The following SLC46A3 variants were observed in gnomAD, a reference collection of about 807,000 sequenced individuals.
SLC46A3 encodes solute carrier family 46 member 3.
SLC46A3 carries 26 observed loss-of-function variants against 38.5 expected under a neutral mutation model. The observed-to-expected ratio is 0.68, with a 90% CI of 0.49 to 0.94. The LOEUF (loss-of-function observed/expected upper bound fraction) is 0.94, where lower values mean the gene tolerates loss of function less well. Ranked by LOEUF, SLC46A3 falls within the 40% of genes least tolerant of loss-of-function variation. The pLI, the probability that SLC46A3 is intolerant of heterozygous loss-of-function variation, is 0.00. For synonymous variants in SLC46A3, 185 were observed against 192.5 expected (o/e 0.96, Z 0.32); for missense variants, 510 against 544.3 (o/e 0.94, Z 0.63).
chr13:28,714,625 T>C (rs1885475837), intron 2 of SLC46A3, among the ~76,000 whole-genome samples: 1 of 152,242 alleles, frequency 6.6e-6, no homozygotes, highest in Non-Finnish European at 1.5e-5. Context: ...GGCGTACGCC[T>C]GTAGTCTCCG....
Position 28,712,826 on chromosome 13 carries a change from C to T in SLC46A3, c.914G>A (p.Ser305Asn). Residue 305 changes from serine (S) to asparagine (N), a missense_variant, in exon 3 of 6, where the codon AGT becomes AAT. Transcript: ENST00000266943. ...TAGGAAACTAGTCAAAAAAGAGGCA[C>T]TACCCAAAGCTGATCCATAACCTAT... is the stretch of plus-strand genomic sequence containing the variant. ...VFIGYGSALG[S>N]ASFLTSFLGI... The T allele has an allele frequency of 6.2e-7, 1 of 1,613,172 alleles. No individual in the cohort carries two copies. The highest frequency in any genetic ancestry group is 8.5e-7 in the Non-Finnish European group (1 of 1,179,812).
At chr13:28,706,802 C>T (rs1885184215) in intron 4 of SLC46A3, among the ~76,000 whole-genome samples, 1 of 152,138 alleles carries the variant, frequency 6.6e-6, no homozygotes, top group Non-Finnish European at 1.5e-5. Flanking sequence ...TGAAAAAATG[C>T]TCATCATCAC....
At chr13:28,701,815 A>G (rs758421302) in intron 5 of SLC46A3, among the ~76,000 whole-genome samples, 6 of 152,190 alleles carry the variant, frequency 3.9e-5, no homozygotes, top group Non-Finnish European at 7.4e-5. Flanking sequence ...CATCTGTCCC[A>G]TGGTTAACTC....
intron 4 of SLC46A3, 194 bp from the exon 5 acceptor site, chr13:28,704,293 G>A (rs1339303745): frequency 7.0e-6 from 4 of 572,510 alleles, no homozygotes; most frequent in Non-Finnish European, 1.2e-5. Context: ...AGGAAACTAA[G>A]GGAAAGGTTC....
intron 4 of SLC46A3, among the ~76,000 whole-genome samples, chr13:28,710,374 G>A (rs1885308396): frequency 6.6e-6 from 1 of 152,232 alleles, no homozygotes. Flanking sequence ...AGGTGGCTGA[G>A]GAAGAGGATC....
At chr13:28,714,752 TAAATA>T (rs1416507287) in intron 2 of SLC46A3, among the ~76,000 whole-genome samples, 1 of 152,004 alleles carries the variant, frequency 6.6e-6, no homozygotes, top group Non-Finnish European at 1.5e-5. Context: ...CCATCTCAAA[TAAATA>T]AAAATAAAAA....
At chr13:28,704,203 C>T (rs1157067377) in intron 4 of SLC46A3, 104 bp from the exon 5 acceptor site, 3 of 1,020,594 alleles carry the variant, frequency 2.9e-6, no homozygotes, top group Non-Finnish European at 4.3e-6. Context: ...AAACAGTAAA[C>T]ATGAGGGCAC....
chr13:28,710,800 T>C lies in SLC46A3; in HGVS notation c.1104A>G (p.Leu368=). 6.2e-7 allele frequency: 1 copy of C among 1,614,068 alleles called. No individual in the cohort carries two copies. The highest frequency in any genetic ancestry group is 1.7e-5 in the Admixed American group (1 of 60,014). The change falls in exon 4 of 6, where the codon CTA becomes CTG. Residue 368 remains leucine, a synonymous_variant. Coordinates refer to ENST00000266943, the MANE Select transcript of SLC46A3 (RefSeq NM_181785.4). ...GAACCACTTTTGACAACATGGACCG[T>C]AGAACAGAGAATGGCACAATAGTGA... is the stretch of plus-strand genomic sequence containing the variant. The part of the protein sequence containing the change: ...FLFTIVPFSV[L]RSMLSKVVRS...
rs141294918 is a variant in SLC46A3 at position 28,713,415 on chromosome 13, C to T, written c.325G>A (p.Val109Ile). The change falls in exon 3 of 6, where the codon GTT becomes ATT. Residue 109 changes from valine (V) to isoleucine (I), a missense_variant. Physicochemically the swap from Val to Ile is conservative, Grantham distance 29. Transcript: ENST00000266943. ...GRKFPMILSS[V>I]GALATSVWLC... is the part of the protein sequence containing the mutation. ...CAAACGCTGGTTGCAAGAGCACCAA[C>T]GGAAGACAAAATCATAGGGAATTTT... 57,765 of 1,613,930 alleles carry T rather than the reference C, an allele frequency of 0.036. 1,258 individuals are homozygous for T. Among genetic ancestry groups the T allele is most frequent in the Non-Finnish European group, 0.04 (47,267 of 1,179,986 alleles).
chr13:28,703,201 C>T (rs1204386049), intron 5 of SLC46A3, among the ~76,000 whole-genome samples: 2 of 152,114 alleles, frequency 1.3e-5, no homozygotes, highest in Non-Finnish European at 2.9e-5. Context: ...TAAACATTAA[C>T]GTTTAAACAA....
rs569642546 is a variant in SLC46A3, at chr13:28,710,626, T to C, written c.1144+134A>G. 1,367 of 736,114 alleles carry C rather than the reference T, an allele frequency of 1.9e-3. 16 individuals are homozygous for C. The highest frequency in any genetic ancestry group is 5.7e-3 in the Middle Eastern group (21 of 3,664). The allele number at this position is 736,114 out of a possible 1,614,324, so 45.6% of individuals were successfully genotyped here. Reference sequence around the variant, plus strand: ...AGTGTAAGCCTTTCCCTCACAGAGCTTACCACTTTATTCAAAAGGAGATCC... The same window carrying C: ...AGTGTAAGCCTTTCCCTCACAGAGCCTACCACTTTATTCAAAAGGAGATCC... On this transcript the variant is annotated intron_variant, in intron 4 of 5. Coordinates refer to ENST00000266943, the MANE Select transcript of SLC46A3 (RefSeq NM_181785.4).
At chr13:28,711,597 G>T (rs891499474) in intron 3 of SLC46A3, among the ~76,000 whole-genome samples, 2 of 152,000 alleles carry the variant, frequency 1.3e-5, no homozygotes, top group African/African-American at 4.8e-5. Flanking sequence ...TGGTAAACTG[G>T]TTCTTTATCA....
intron 5 of SLC46A3, among the ~76,000 whole-genome samples, chr13:28,702,974 A>G (rs1885070893): frequency 1.3e-5 from 2 of 152,152 alleles, no homozygotes; most frequent in South Asian, 4.1e-4. Flanking sequence ...CTCAGCAGAA[A>G]CAGATTAATG....
chr13:28,711,176 G>A (rs1355582172), intron 3 of SLC46A3, among the ~76,000 whole-genome samples: 1 of 152,190 alleles, frequency 6.6e-6, no homozygotes, highest in Non-Finnish European at 1.5e-5. Context: ...TGTAATCCCA[G>A]CACTTTGGGA....
Position 28,701,476 on chromosome 13 carries a change from T to G in SLC46A3, c.*21A>C, listed in dbSNP as rs549270231. 7 of 1,607,558 alleles carry G rather than the reference T, an allele frequency of 4.4e-6. No individual in the cohort carries two copies. The highest frequency in any genetic ancestry group is 2.7e-5 in the African/African-American group (2 of 74,544). On this transcript the variant is annotated 3_prime_UTR_variant, in exon 6 of 6. Transcript: ENST00000266943. The stretch of plus-strand genomic sequence containing the variant: ...TATGATATGTGCATTCATAGATTTT[T>G]TTTGTTTGTTTAAATCACAGTCACC...
intron 4 of SLC46A3, among the ~76,000 whole-genome samples, chr13:28,708,708 G>A (rs374110522): frequency 2.1e-5 from 3 of 145,418 alleles, no homozygotes; most frequent in South Asian, 2.3e-4. Flanking sequence ...TCATCCACCC[G>A]CTTTGGCCTC....
At chr13:28,718,363 C>A in intron 1 of SLC46A3, 133 bp downstream of exon 1, 1 of 170,132 alleles carries the variant, frequency 5.9e-6, no homozygotes, top group Non-Finnish European at 1.2e-5. Flanking sequence ...TTCGTAAGTT[C>A]AACAATGAGG....
In SLC46A3 at chr13:28,718,949, A is replaced by G. The variant is rs1284553076; in HGVS notation, c.-478T>C. 1 of 152,300 alleles carries G rather than the reference A, an allele frequency of 6.6e-6. No homozygotes were observed. The highest frequency in any genetic ancestry group is 6.5e-5 in the Admixed American group (1 of 15,294). The allele number at this position is 152,300 out of a possible 1,614,324, so 9.4% of individuals were successfully genotyped here. The stretch of plus-strand genomic sequence containing the variant: ...CAGCGCTAGGCGATGACTCGGCCGC[A>G]GCCAGCTGAGCATCGCTGTCCGCCG... On this transcript the variant is annotated 5_prime_UTR_variant, in exon 1 of 6. Transcript: ENST00000266943.
chr13:28,710,062 C>T (rs535825513), intron 4 of SLC46A3, among the ~76,000 whole-genome samples: 8 of 152,138 alleles, frequency 5.3e-5, no homozygotes, highest in Non-Finnish European at 1.2e-4. Flanking sequence ...GAAAAATATC[C>T]CTTTGTAATG....
Sources: allele counts gnomAD v4.1 joint callset (sites outside exome capture counted in the v4.1 genomes callset), GRCh38; gene constraint gnomAD v4.1.1; transcripts MANE v1.5; gene names NCBI Gene and HGNC (gene_info 2026-07-23, HGNC 2026-07-21).